CFAP299: variants seen among roughly 807,000 people sequenced by gnomAD.
CFAP299 encodes cilia and flagella associated protein 299.
CFAP299 carries 21 observed loss-of-function variants against 27.0 expected under a neutral mutation model. The observed-to-expected ratio is 0.78, with a 90% confidence interval of 0.55 to 1.12. CFAP299 has a LOEUF of 1.12. Among genes scored for constraint, CFAP299 ranks in the 50% most tolerant of loss-of-function variants. CFAP299 has a pLI of 0.00. For synonymous variants in CFAP299, 104 were observed against 98.1 expected (o/e 1.06, Z -0.36); for missense variants, 310 against 276.6 (o/e 1.12, Z -0.86).
chr4:80,659,498 G>A (rs1392740216), intron 3 of CFAP299, among the ~76,000 whole-genome samples: 1 of 151,860 alleles, frequency 6.6e-6, no homozygotes, highest in Non-Finnish European at 1.5e-5. Context: ...ATCTTAATAG[G>A]TACTTCACAG....
intron 2 of CFAP299, chr4:80,387,615 G>T: frequency 3.0e-6 from 4 of 1,313,072 alleles, no homozygotes; most frequent in Non-Finnish European, 4.4e-6. Flanking sequence ...GAGACACAGT[G>T]CCACCACCGT....
intron 2 of CFAP299, among the ~76,000 whole-genome samples, chr4:80,397,883 G>T (rs1302298770): frequency 6.6e-6 from 1 of 152,132 alleles, no homozygotes; most frequent in African/African-American, 2.4e-5. Flanking sequence ...ATAAGGAAAA[G>T]AAAAAGTCAA....
At position 80,506,277 on chromosome 4, in the gene CFAP299, C is replaced by A. The variant is rs1371932327; in HGVS notation, c.243-76816C>A. ...ATAGTAAATCCAGGACTATTTGAAA[C>A]AGATATCTATATAAAAAGATGGCTG... On this transcript the variant is annotated intron_variant, in intron 2 of 5. Transcript: ENST00000358105. 2.0e-5 allele frequency among the ~76,000 whole-genome samples: 3 copies of A among 152,088 alleles called. No individual in the cohort carries two copies. The South Asian group carries it at 6.2e-4, about 32-fold the overall frequency.
intron 4 of CFAP299, among the ~76,000 whole-genome samples, chr4:80,924,799 T>C (rs1026900106): frequency 1.3e-5 from 2 of 151,450 alleles, no homozygotes; most frequent in African/African-American, 4.8e-5. Flanking sequence ...TTATCAATTT[T>C]AAAAGACAAA....
At chr4:80,913,909 C>G (rs1735611264) in intron 4 of CFAP299, among the ~76,000 whole-genome samples, 1 of 152,108 alleles carries the variant, frequency 6.6e-6, no homozygotes, top group African/African-American at 2.4e-5. Flanking sequence ...TATAGAGTGA[C>G]TTTTTCTTGA....
intron 3 of CFAP299, among the ~76,000 whole-genome samples, chr4:80,824,788 C>T (rs141121336): frequency 0.013 from 1,948 of 151,868 alleles, 22 homozygotes; most frequent in Middle Eastern, 0.031. Flanking sequence ...AAACAAAACC[C>T]CTGGGAAAGA....
intron 3 of CFAP299, among the ~76,000 whole-genome samples, chr4:80,799,808 TAA>T (rs1176249540): frequency 8.3e-5 from 2 of 24,142 alleles, no homozygotes; most frequent in African/African-American, 5.1e-4. Flanking sequence ...ATATAATATA[TAA>T]ATATATATAT....
chr4:80,659,683 C>A (rs997507004), intron 3 of CFAP299, among the ~76,000 whole-genome samples: 2 of 151,998 alleles, frequency 1.3e-5, no homozygotes, highest in African/African-American at 4.8e-5. Context: ...TACAAGACTT[C>A]TCATGGATAC....
chr4:80,845,754 A>G (rs1233241865), intron 3 of CFAP299, among the ~76,000 whole-genome samples: 1 of 152,146 alleles, frequency 6.6e-6, no homozygotes, highest in Non-Finnish European at 1.5e-5. Context: ...TCTGCCTATA[A>G]TGTTGGTTTT....
intron 3 of CFAP299, among the ~76,000 whole-genome samples, chr4:80,822,225 C>G (rs1729746454): frequency 2.0e-5 from 3 of 152,124 alleles, no homozygotes; most frequent in African/African-American, 7.2e-5. Context: ...TGTTGAAGGT[C>G]TGATCAAGCA....
chr4:80,716,719 G>A (rs955986705), intron 3 of CFAP299, among the ~76,000 whole-genome samples: 3 of 151,972 alleles, frequency 2.0e-5, no homozygotes, highest in African/African-American at 4.8e-5. Context: ...GTCTTTTATC[G>A]TGGTACATAG....
intron 4 of CFAP299, among the ~76,000 whole-genome samples, chr4:80,875,211 C>T (rs1165874264): frequency 2.0e-5 from 3 of 152,084 alleles, no homozygotes; most frequent in Non-Finnish European, 4.4e-5. Context: ...ATGTAAAAAG[C>T]CAGAAACCAG....
intron 3 of CFAP299, among the ~76,000 whole-genome samples, chr4:80,713,666 G>C (rs761836460): frequency 4.6e-5 from 7 of 152,302 alleles, no homozygotes; most frequent in Non-Finnish European, 1.0e-4. Context: ...CCCATGTTTA[G>C]AGATAGTCAC....
intron 3 of CFAP299, among the ~76,000 whole-genome samples, chr4:80,726,066 A>C (rs185705839): frequency 6.6e-6 from 1 of 152,144 alleles, no homozygotes; most frequent in Non-Finnish European, 1.5e-5. Context: ...ATGGTCAACA[A>C]TCTATTTTAT....
At chr4:80,928,190 G>A (rs1018450954) in intron 4 of CFAP299, among the ~76,000 whole-genome samples, 3 of 151,974 alleles carry the variant, frequency 2.0e-5, no homozygotes, top group African/African-American at 4.8e-5. Context: ...ATAATATTGT[G>A]CTCTTTAGCT....
the CFAP299 span, among the ~76,000 whole-genome samples, chr4:80,330,257 A>G: frequency 4.6e-5 from 7 of 151,916 alleles, no homozygotes; most frequent in African/African-American, 1.7e-4. Context: ...ATGTCTTCCT[A>G]CCTCCCCTCC....
At chr4:80,590,194 A>T (rs1736655481) in intron 3 of CFAP299, among the ~76,000 whole-genome samples, 1 of 152,210 alleles carries the variant, frequency 6.6e-6, no homozygotes, top group African/African-American at 2.4e-5. Flanking sequence ...TTTCGGAATG[A>T]TGTGTACAAA....
Position 80,578,607 on chromosome 4 carries a change from T to C in CFAP299, c.243-4486T>C, listed in dbSNP as rs17004947. Among the ~76,000 whole-genome samples the C allele has an allele frequency of 6.0e-3, 914 of 152,288 alleles. 9 individuals carry two copies. Among genetic ancestry groups the C allele is most frequent in the African/African-American group, 0.021 (857 of 41,574 alleles). On this transcript the variant is annotated intron_variant, in intron 2 of 5. Transcript: ENST00000358105. ...CAGGATAATAGTCATTTTCTTGGACTAATTATATATTAATGATGTTTGCTG... is the reference window on the plus strand; with the variant it reads ...CAGGATAATAGTCATTTTCTTGGACCAATTATATATTAATGATGTTTGCTG...
At chr4:80,523,611 G>GA (rs1395112096) in intron 2 of CFAP299, among the ~76,000 whole-genome samples, 6 of 151,946 alleles carry the variant, frequency 3.9e-5, no homozygotes, top group Admixed American at 1.3e-4. Flanking sequence ...AGTTCAAATA[G>GA]AAAAAAATAT....
Sources: allele counts gnomAD v4.1 joint callset (sites outside exome capture counted in the v4.1 genomes callset), GRCh38; gene constraint gnomAD v4.1.1; transcripts MANE v1.5; gene names NCBI Gene and HGNC (gene_info 2026-07-23, HGNC 2026-07-21).